The following CNTN5 variants were observed in gnomAD, a reference collection of about 807,000 sequenced individuals.
The protein encoded by CNTN5 is contactin-5.
CNTN5 carries 77 observed loss-of-function variants against 129.1 expected under a neutral mutation model. That is an observed-to-expected ratio of 0.60 (90% CI 0.50 to 0.72). The LOEUF (loss-of-function observed/expected upper bound fraction) is 0.72. Ranked by LOEUF, CNTN5 falls within the 30% of genes least tolerant of loss-of-function variation. The pLI, the probability that CNTN5 is intolerant of heterozygous loss-of-function variation, is 0.00. For synonymous variants in CNTN5, 509 were observed against 465.6 expected (o/e 1.09, Z -1.20); for missense variants, 1,478 against 1,328.8 (o/e 1.11, Z -1.75).
chr11:99,120,370 A>G (rs567110164), intron 1 of CNTN5: 4 of 152,220 alleles, frequency 2.6e-5, no homozygotes, highest in Non-Finnish European at 4.4e-5. Context: ...CCAGTCTTCA[A>G]TAAAGGATAT....
At chr11:100,346,889 G>A (rs990809414) in intron 23 of CNTN5, among the ~76,000 whole-genome samples, 1 of 152,126 alleles carries the variant, frequency 6.6e-6, no homozygotes, top group African/African-American at 2.4e-5. Context: ...CACGATCACG[G>A]CGGAAGGTGA....
At chr11:99,540,492 T>C (rs778458542) in intron 2 of CNTN5, among the ~76,000 whole-genome samples, 2 of 152,140 alleles carry the variant, frequency 1.3e-5, no homozygotes, top group African/African-American at 2.4e-5. Flanking sequence ...AATTGCTATA[T>C]TATTATAACA....
intron 2 of CNTN5, among the ~76,000 whole-genome samples, chr11:99,551,948 C>A (rs1301402969): frequency 6.7e-6 from 1 of 150,160 alleles, no homozygotes; most frequent in Non-Finnish European, 1.5e-5. Flanking sequence ...CACTCCATCA[C>A]CCAGGCTGGA....
At chr11:100,119,836 G>T (rs940254021) in intron 13 of CNTN5, among the ~76,000 whole-genome samples, 4 of 151,984 alleles carry the variant, frequency 2.6e-5, no homozygotes, top group African/African-American at 9.6e-5. Context: ...CCTAAAAATT[G>T]TCATGAGACT....
chr11:100,212,690 A>C (rs1029207541), intron 15 of CNTN5, among the ~76,000 whole-genome samples: 1 of 152,062 alleles, frequency 6.6e-6, no homozygotes, highest in African/African-American at 2.4e-5. Context: ...AGAGTAGATG[A>C]TTCCTAATGA....
chr11:100,230,465 C>CA lies in CNTN5; in HGVS notation c.2005+5659dup, dbSNP rs146541662. Among the ~76,000 whole-genome samples, 651 of 152,188 alleles carry CA rather than the reference C, an allele frequency of 4.3e-3. 15 individuals are homozygous for CA. The East Asian group carries it at 0.057, about 13-fold the overall frequency. On this transcript the variant is annotated intron_variant, in intron 16 of 24. Transcript: ENST00000524871. ...CTAACCTGTAGAACTCTTAAACTGA[C>CA]AAAAAAGTAACATTTTTTTGTCAGT... is the stretch of plus-strand genomic sequence containing the variant.
rs79992892 is a variant in CNTN5 at position 100,146,635 on chromosome 11, G to A, written c.1581-44491G>A. Among the ~76,000 whole-genome samples the A allele has an allele frequency of 5.1e-3, 767 of 151,530 alleles. 5 individuals carry two copies. Among genetic ancestry groups the A allele is most frequent in the African/African-American group, 0.018 (729 of 41,476 alleles). ...TTTCAAAATAAGAACTCCACAGAACGTTTAATTACTATTCTCAGCGAGTAG... is the reference window on the plus strand; with the variant it reads ...TTTCAAAATAAGAACTCCACAGAACATTTAATTACTATTCTCAGCGAGTAG... On this transcript the variant is annotated intron_variant, in intron 13 of 24. Transcript: ENST00000524871.
chr11:99,787,132 A>G (rs1055248111), intron 3 of CNTN5, among the ~76,000 whole-genome samples: 1 of 150,286 alleles, frequency 6.7e-6, no homozygotes, highest in Non-Finnish European at 1.5e-5. Flanking sequence ...TATTATTATT[A>G]TACTTTAAGT....
chr11:99,973,182 G>C (rs1253414362), intron 8 of CNTN5, among the ~76,000 whole-genome samples: 3 of 152,100 alleles, frequency 2.0e-5, no homozygotes, highest in Non-Finnish European at 2.9e-5. Context: ...ATTCTGACAA[G>C]CATCACTAGG....
intron 6 of CNTN5, among the ~76,000 whole-genome samples, chr11:99,847,214 T>C (rs1329631307): frequency 6.6e-6 from 1 of 152,234 alleles, no homozygotes; most frequent in African/African-American, 2.4e-5. Flanking sequence ...TTTTTCTGCA[T>C]GCGTTTAGAG....
At chr11:100,350,622 AGAATGT>A in intron 23 of CNTN5, 74 bp from the exon 24 acceptor site, 1 of 1,047,026 alleles carries the variant, frequency 9.6e-7, no homozygotes, top group Non-Finnish European at 1.4e-6. Flanking sequence ...TGCTTATCTC[AGAATGT>A]GACACATAGT....
rs561144783 is a variant in CNTN5, at chr11:99,375,297, T to C, written c.-71+49813T>C. On this transcript the variant is annotated intron_variant, in intron 2 of 24. Coordinates refer to ENST00000524871, the MANE Select transcript of CNTN5 (RefSeq NM_014361.4). ...CAGCCTGGGTGACAGAGTGGGAGTCTGTCTCAAAAAAAAAAAAAAAAAAAA... is the reference window on the plus strand; with the variant it reads ...CAGCCTGGGTGACAGAGTGGGAGTCCGTCTCAAAAAAAAAAAAAAAAAAAA... Among the ~76,000 whole-genome samples, 174 of 82,996 alleles carry C rather than the reference T, an allele frequency of 2.1e-3. 4 individuals are homozygous for C. In the East Asian group the frequency reaches 0.082, roughly 39 times the overall value. The allele number at this position is 82,996 out of a possible 152,430, so 54.4% of individuals were successfully genotyped here.
chr11:99,584,000 T>C (rs1474655064), intron 3 of CNTN5, among the ~76,000 whole-genome samples: 1 of 152,194 alleles, frequency 6.6e-6, no homozygotes, highest in African/African-American at 2.4e-5. Flanking sequence ...TGTTTATTTA[T>C]TATTGACTGT....
rs180926884 is a variant in CNTN5 at position 99,853,502 on chromosome 11, C to T, written c.577+8240C>T. On this transcript the variant is annotated intron_variant, in intron 6 of 24. Transcript: ENST00000524871. ...GCAACCTCCGCCTCCCAGGTTCAAG[C>T]GATTCTCCTGCCTCAGCCTCCTGAG... is the stretch of plus-strand genomic sequence containing the variant. 2.1e-4 allele frequency among the ~76,000 whole-genome samples: 32 copies of T among 152,082 alleles called. No homozygotes were observed. In the East Asian group the frequency reaches 3.3e-3, roughly 16 times the overall value.
chr11:100,308,989 T>G (rs1208825481), intron 21 of CNTN5: 22 of 984,948 alleles, frequency 2.2e-5, no homozygotes, highest in Non-Finnish European at 2.3e-5. Flanking sequence ...GGTGAACATT[T>G]CATATCAAAT....
chr11:99,619,092 C>CAAT, intron 3 of CNTN5, among the ~76,000 whole-genome samples: 1 of 151,980 alleles, frequency 6.6e-6, no homozygotes, highest in African/African-American at 2.4e-5. Flanking sequence ...GCAGAATTGT[C>CAAT]AATAGAATGC....
intron 3 of CNTN5, among the ~76,000 whole-genome samples, chr11:99,777,453 G>A (rs1219518726): frequency 1.3e-5 from 2 of 151,780 alleles, no homozygotes; most frequent in Non-Finnish European, 2.9e-5. Flanking sequence ...GAGAGTAAAC[G>A]ATGCTAACAC....
chr11:99,313,093 G>A (rs763176782), intron 1 of CNTN5, among the ~76,000 whole-genome samples: 18 of 151,164 alleles, frequency 1.2e-4, no homozygotes, highest in Admixed American at 2.0e-4. Flanking sequence ...GACATCTCAC[G>A]CAATCCAAGA....
chr11:99,878,623 C>T (rs1317763257), intron 6 of CNTN5, among the ~76,000 whole-genome samples: 1 of 152,206 alleles, frequency 6.6e-6, no homozygotes, highest in East Asian at 2.0e-4. Flanking sequence ...TTTCAGAGGC[C>T]CAGGCAGGCG....
Sources: gnomAD v4.1 joint callset for allele counts (sites outside exome capture counted in the v4.1 genomes callset) on GRCh38, gnomAD v4.1.1 for gene constraint, MANE v1.5 for transcripts, NCBI Gene and HGNC (gene_info 2026-07-23, HGNC 2026-07-21) for gene names.